The following BCHE variants were observed in gnomAD, a reference collection of about 807,000 sequenced individuals.
BCHE encodes butyrylcholinesterase, also known as cholinesterase.
A neutral mutation model predicts 51.3 loss-of-function variants in BCHE; 48 were observed. That is an observed-to-expected ratio of 0.94 (90% CI 0.74 to 1.19). BCHE has a LOEUF of 1.19. Ranked by LOEUF, BCHE falls within the 50% of genes most tolerant of loss-of-function variation. The pLI is 0.00. For synonymous variants in BCHE, 251 were observed against 238.0 expected, an observed-to-expected ratio of 1.05 and a Z score of -0.50; for missense variants, 847 against 708.2, an observed-to-expected ratio of 1.20 and a Z score of -2.23.
intron 3 of BCHE, among the ~76,000 whole-genome samples, chr3:165,785,757 T>A (rs892748042): frequency 6.6e-6 from 1 of 151,692 alleles, no homozygotes; most frequent in Non-Finnish European, 1.5e-5. Context: ...TTTTTACCAA[T>A]TTATGCATCT....
intron 2 of BCHE, among the ~76,000 whole-genome samples, chr3:165,794,463 T>C (rs1291106197): frequency 6.6e-6 from 1 of 152,102 alleles, no homozygotes; most frequent in Non-Finnish European, 1.5e-5. Context: ...AGCTGGGAAA[T>C]TCAAAATCAA....
intron 2 of BCHE, chr3:165,828,096 G>C (rs756235946): frequency 2.4e-5 from 11 of 454,666 alleles, no homozygotes; most frequent in Admixed American, 4.7e-5. Context: ...AAATAGACAA[G>C]TTACAGTCAA....
intron 2 of BCHE, among the ~76,000 whole-genome samples, chr3:165,827,156 C>T (rs889296597): frequency 3.9e-5 from 6 of 152,014 alleles, no homozygotes; most frequent in South Asian, 2.1e-4. Flanking sequence ...TATATTAATT[C>T]GCATGTATAC....
rs1443919168 is a variant in BCHE, at chr3:165,802,835, G to A, written c.1518-16524C>T. ...CGGCTCACTGCAAGCTCCGCCTCCC[G>A]GGTTCACGCCATTCTCCTGTCTCAC... On this transcript the variant is annotated intron_variant, in intron 2 of 3. Transcript: ENST00000264381. Among the ~76,000 whole-genome samples, 4 of 151,952 alleles carry A rather than the reference G, an allele frequency of 2.6e-5. 1 individual carries two copies. Among genetic ancestry groups the A allele is most frequent in the Non-Finnish European group, 5.9e-5 (4 of 68,004 alleles).
intron 2 of BCHE, among the ~76,000 whole-genome samples, chr3:165,800,304 A>G (rs1713588112): frequency 6.6e-6 from 1 of 152,248 alleles, no homozygotes; most frequent in South Asian, 2.1e-4. Flanking sequence ...ATGTGTCACA[A>G]TCTGGACAAG....
intron 2 of BCHE, among the ~76,000 whole-genome samples, chr3:165,802,033 G>T (rs1398523253): frequency 6.6e-6 from 1 of 152,032 alleles, no homozygotes; most frequent in African/African-American, 2.4e-5. Context: ...AATATTTTAT[G>T]TTCTGTAATT....
chr3:165,779,358 C>T (rs946783444), intron 3 of BCHE, among the ~76,000 whole-genome samples: 10 of 151,892 alleles, frequency 6.6e-5, no homozygotes, highest in African/African-American at 9.7e-5. Flanking sequence ...CTTTGAAAAC[C>T]GGCACAAGAC....
chr3:165,819,626 C>G (rs937698303), intron 2 of BCHE, among the ~76,000 whole-genome samples: 2 of 151,980 alleles, frequency 1.3e-5, no homozygotes, highest in African/African-American at 4.8e-5. Flanking sequence ...TATTTTAAGG[C>G]TCTATCTGTT....
chr3:165,787,250 G>A (rs183540097), intron 2 of BCHE, among the ~76,000 whole-genome samples: 2 of 151,654 alleles, frequency 1.3e-5, no homozygotes, highest in Non-Finnish European at 3.0e-5. Flanking sequence ...TAATGCCAAG[G>A]TCACACAAAC....
chr3:165,835,077 T>C (rs1396313968), intron 1 of BCHE, among the ~76,000 whole-genome samples: 1 of 151,902 alleles, frequency 6.6e-6, no homozygotes, highest in Non-Finnish European at 1.5e-5. Context: ...ATTGAGTTTT[T>C]GAGGAATTTG....
At chr3:165,801,548 A>T (rs1317161232) in intron 2 of BCHE, among the ~76,000 whole-genome samples, 1 of 152,212 alleles carries the variant, frequency 6.6e-6, no homozygotes, top group African/African-American at 2.4e-5. Flanking sequence ...AATATACATT[A>T]TAAAGATAAA....
intron 2 of BCHE, among the ~76,000 whole-genome samples, chr3:165,800,395 C>T (rs915976706): frequency 1.3e-5 from 2 of 152,020 alleles, no homozygotes; most frequent in Admixed American, 6.6e-5. Flanking sequence ...TACTAGAATT[C>T]CAGGCCCCAG....
chr3:165,794,671 AT>A (rs1487879404), intron 2 of BCHE, among the ~76,000 whole-genome samples: 11 of 152,120 alleles, frequency 7.2e-5, no homozygotes, highest in African/African-American at 2.4e-4. Context: ...CTAATACCTA[AT>A]ACCATCACAT....
chr3:165,799,417 C>T (rs1007778057), intron 2 of BCHE, among the ~76,000 whole-genome samples: 5 of 151,992 alleles, frequency 3.3e-5, no homozygotes, highest in African/African-American at 1.2e-4. Flanking sequence ...GTCTAATATG[C>T]AATGAGGGGA....
chr3:165,830,985 GA>G lies in BCHE; in HGVS notation c.48del (p.Leu17PhefsTer17). 6.2e-7 allele frequency: 1 copy of G among 1,613,636 alleles called. No individual in the cohort carries two copies. Among genetic ancestry groups the G allele is most frequent in the South Asian group, 1.1e-5 (1 of 91,070 alleles). On this transcript the variant is annotated frameshift_variant, in exon 2 of 4. Transcript: ENST00000264381. LOFTEE classifies it high-confidence loss of function. ...TTCCCAATAAGCATGCAGAGCAAAA[GA>G]AACCAAAAGAGAAATCTGATGCATA... ...TIICIRFLFWFLLLCMLIGKS... is the reference protein window; with the variant it reads ...TIICIRFLFWXLLLCMLIGKS...
In BCHE at chr3:165,830,595, G is replaced by A. The variant is rs760182781; in HGVS notation, c.439C>T (p.Gln147Ter). 3.7e-6 allele frequency: 6 copies of A among 1,613,810 alleles called. No individual in the cohort carries two copies. The East Asian group carries it at 8.9e-5, about 24-fold the overall frequency. Residue 147 changes from glutamine to a stop codon, truncating the protein, a stop_gained, in exon 2 of 4, where the codon CAA (glutamine) becomes TAA (stop). Transcript: ENST00000264381. LOFTEE classifies it high-confidence loss of function. Reference sequence around the variant, plus strand: ...ACATGTAAAGATGATGTTCCAGTTTGAAAACCACCACCATAAATCCATATC... The same window carrying A: ...ACATGTAAAGATGATGTTCCAGTTTAAAAACCACCACCATAAATCCATATC... ...VLIWIYGGGF[Q>*]TGTSSLHVYD...
At chr3:165,790,912 A>C (rs1713139180) in intron 2 of BCHE, among the ~76,000 whole-genome samples, 1 of 152,078 alleles carries the variant, frequency 6.6e-6, no homozygotes, top group Admixed American at 6.6e-5. Flanking sequence ...GGGGACAGTA[A>C]GTTCACATTA....
chr3:165,814,857 G>GTCCC (rs1302464833), intron 2 of BCHE, among the ~76,000 whole-genome samples: 1 of 151,324 alleles, frequency 6.6e-6, no homozygotes. Context: ...GTATAATTAT[G>GTCCC]TCCCATCAGA....
intron 2 of BCHE, among the ~76,000 whole-genome samples, chr3:165,817,259 C>T (rs1714346926): frequency 6.6e-6 from 1 of 151,984 alleles, no homozygotes; most frequent in Non-Finnish European, 1.5e-5. Context: ...CCCACTTTTA[C>T]CTAATCTATG....
Sources: gnomAD v4.1 joint callset for allele counts (sites outside exome capture counted in the v4.1 genomes callset) on GRCh38, gnomAD v4.1.1 for gene constraint, MANE v1.5 for transcripts, NCBI Gene and HGNC (gene_info 2026-07-23, HGNC 2026-07-21) for gene names.